SRGAP3: variants seen among roughly 807,000 people sequenced by gnomAD.
SRGAP3 encodes SLIT-ROBO Rho GTPase activating protein 3.
SRGAP3 carries 39 observed loss-of-function variants against 121.1 expected under a neutral mutation model. The ratio of observed to expected loss-of-function variants is 0.32; its 90% CI spans 0.25 to 0.42. The LOEUF is 0.42. SRGAP3 is among the 10% of genes least tolerant of loss of function. The probability of loss-of-function intolerance (pLI) is 1.00; values close to 1 mark genes in which losing one functional copy is unlikely to be tolerated. For synonymous variants in SRGAP3, 601 were observed against 570.0 expected (o/e 1.05, Z -0.77); for missense variants, 1,213 against 1,470.6 (o/e 0.82, Z 2.86).
At chr3:9,106,922 A>G (rs1948438447) in intron 2 of SRGAP3, among the ~76,000 whole-genome samples, 1 of 144,544 alleles carries the variant, frequency 6.9e-6, no homozygotes, top group Non-Finnish European at 1.5e-5. Context: ...CCCCACCCCC[A>G]CCACCCCACC....
intron 14 of SRGAP3, among the ~76,000 whole-genome samples, chr3:9,022,515 AC>A (rs1311033791): frequency 6.6e-6 from 1 of 152,192 alleles, no homozygotes; most frequent in Non-Finnish European, 1.5e-5. Context: ...AAGCAGGCTG[AC>A]GGCCAGGAAG....
chr3:9,165,439 G>A lies in SRGAP3; in HGVS notation c.68-40522C>T, dbSNP rs146345236. On this transcript the variant is annotated intron_variant, in intron 1 of 21. Coordinates refer to ENST00000383836, the MANE Select transcript of SRGAP3 (RefSeq NM_014850.4). Reference sequence around the variant, plus strand: ...CCTGTGAGCCACAAACCCCACCAAGGCATCATTCCTTCCTCCTGGTTCTCT... The same window carrying A: ...CCTGTGAGCCACAAACCCCACCAAGACATCATTCCTTCCTCCTGGTTCTCT... Among the ~76,000 whole-genome samples the A allele has an allele frequency of 5.3e-5, 8 of 152,226 alleles. No homozygotes were observed. In the East Asian group the frequency reaches 1.5e-3, roughly 29 times the overall value.
intron 3 of SRGAP3, among the ~76,000 whole-genome samples, chr3:9,298,797 A>C (rs939892044): frequency 1.3e-5 from 2 of 151,382 alleles, no homozygotes; most frequent in Non-Finnish European, 2.9e-5. Flanking sequence ...CATGCCTGTA[A>C]TCTCAGCATT....
chr3:9,332,611 A>G (rs554026744), intron 1 of SRGAP3, among the ~76,000 whole-genome samples: 2 of 152,378 alleles, frequency 1.3e-5, no homozygotes, highest in Middle Eastern at 3.4e-3. Flanking sequence ...AAGAATGTCA[A>G]GAGAGTTTTT....
chr3:9,148,500 C>T (rs1950100054), intron 1 of SRGAP3, among the ~76,000 whole-genome samples: 1 of 152,230 alleles, frequency 6.6e-6, no homozygotes, highest in Non-Finnish European at 1.5e-5. Context: ...TGAAGCCAGA[C>T]TTGTCAAATA....
At chr3:9,127,890 G>C (rs930674622) in intron 1 of SRGAP3, among the ~76,000 whole-genome samples, 2 of 151,808 alleles carry the variant, frequency 1.3e-5, no homozygotes, top group African/African-American at 4.8e-5. Context: ...GATGCTTAGA[G>C]GGAACTCCTG....
chr3:9,016,262 A>C (rs1943632517), intron 14 of SRGAP3, among the ~76,000 whole-genome samples: 2 of 152,204 alleles, frequency 1.3e-5, no homozygotes, highest in African/African-American at 4.8e-5. Context: ...TCTAATCAAC[A>C]TTCACACAAT....
intron 1 of SRGAP3, among the ~76,000 whole-genome samples, chr3:9,147,039 G>A (rs1950049249): frequency 6.6e-6 from 1 of 152,048 alleles, no homozygotes; most frequent in Non-Finnish European, 1.5e-5. Context: ...ACCAAGTACT[G>A]AATCTATACC....
intron 1 of SRGAP3, among the ~76,000 whole-genome samples, chr3:9,354,671 G>A: frequency 8.2e-6 from 1 of 122,504 alleles, no homozygotes; most frequent in Non-Finnish European, 1.6e-5. Context: ...GACAGAGCGA[G>A]ACTCCATCTC....
chr3:9,211,447 G>A (rs534932424), intron 1 of SRGAP3, among the ~76,000 whole-genome samples: 2 of 152,296 alleles, frequency 1.3e-5, no homozygotes, highest in Admixed American at 6.5e-5. Context: ...GGGAGAAAGA[G>A]GGCCCTAGAG....
intron 3 of SRGAP3, among the ~76,000 whole-genome samples, chr3:9,288,747 A>T (rs1954825113): frequency 6.7e-6 from 1 of 150,070 alleles, no homozygotes; most frequent in African/African-American, 2.5e-5. Flanking sequence ...CTAATTTTTT[A>T]AATTTTTTGT....
At chr3:9,060,002 C>A in intron 6 of SRGAP3, 1 of 606,842 alleles carries the variant, frequency 1.6e-6, no homozygotes, top group Non-Finnish European at 2.9e-6. Context: ...AAGCCAACTG[C>A]ACTGGGGCCA....
intron 3 of SRGAP3, among the ~76,000 whole-genome samples, chr3:9,303,730 GAAA>G (rs1224519163): frequency 6.6e-6 from 1 of 152,154 alleles, no homozygotes; most frequent in Non-Finnish European, 1.5e-5. Context: ...GCACCAATTT[GAAA>G]AGTCTACAAT....
chr3:9,283,989 A>G (rs2125266690), intron 3 of SRGAP3, among the ~76,000 whole-genome samples: 1 of 152,334 alleles, frequency 6.6e-6, no homozygotes, highest in East Asian at 1.9e-4. Flanking sequence ...GTTATCTACA[A>G]CTTAACAGAG....
chr3:9,026,619 C>T (rs767835575), intron 13 of SRGAP3, among the ~76,000 whole-genome samples: 29 of 152,180 alleles, frequency 1.9e-4, no homozygotes, highest in Admixed American at 4.6e-4. Flanking sequence ...ATAATCTAGC[C>T]GTATTAGCTG....
intron 3 of SRGAP3, among the ~76,000 whole-genome samples, chr3:9,302,327 C>T (rs867573382): frequency 6.6e-6 from 1 of 152,158 alleles, no homozygotes; most frequent in Non-Finnish European, 1.5e-5. Flanking sequence ...CCCCCTCACC[C>T]CTCCCCAGCC....
chr3:9,257,619 A>T (rs921318209), intron 3 of SRGAP3: 3 of 152,004 alleles, frequency 2.0e-5, no homozygotes, highest in Non-Finnish European at 4.4e-5. Context: ...AGGGCATAGG[A>T]AAAGAGAGTG....
intron 1 of SRGAP3, chr3:9,235,503 CTT>C (rs397877508): frequency 0.01 from 1,392 of 133,658 alleles, 38 homozygotes; most frequent in African/African-American, 0.035. Context: ...TTTTCTTTTT[CTT>C]TTTTTTTTTT....
chr3:9,088,647 T>A (rs535770531), intron 3 of SRGAP3, among the ~76,000 whole-genome samples: 1 of 152,170 alleles, frequency 6.6e-6, no homozygotes, highest in African/African-American at 2.4e-5. Context: ...TCCTGCCCAA[T>A]TGAGAAATAG....
Sources: allele counts gnomAD v4.1 joint callset (sites outside exome capture counted in the v4.1 genomes callset), GRCh38; gene constraint gnomAD v4.1.1; transcripts MANE v1.5; gene names NCBI Gene and HGNC (gene_info 2026-07-23, HGNC 2026-07-21).